Variants in SLC48A1 observed in about 807,000 individuals in gnomAD.
The protein encoded by SLC48A1 is heme transporter HRG1.
A neutral mutation model predicts 14.8 loss-of-function variants in SLC48A1; 6 were observed. The ratio of observed to expected loss-of-function variants is 0.41; its 90% CI spans 0.22 to 0.80. The LOEUF is 0.80. Among genes scored for constraint, SLC48A1 ranks in the 30% least tolerant of loss-of-function variants. SLC48A1 has a pLI of 0.34. For synonymous variants in SLC48A1, 89 were observed against 90.0 expected (o/e 0.99, Z 0.06); for missense variants, 165 against 204.8 (o/e 0.81, Z 1.19).
At chr12:47,776,727 C>T (rs755028471) in intron 1 of SLC48A1, among the ~76,000 whole-genome samples, 5 of 152,176 alleles carry the variant, frequency 3.3e-5, no homozygotes, top group Non-Finnish European at 4.4e-5. Context: ...TCTTCCTCTC[C>T]CTCCTGCCCT....
At position 47,780,285 on chromosome 12, in the gene SLC48A1, A is replaced by AG; in HGVS notation, c.*9dup. 1 of 1,614,182 alleles carries AG rather than the reference A, an allele frequency of 6.2e-7. No individual in the cohort carries two copies. Among genetic ancestry groups the AG allele is most frequent in the Non-Finnish European group, 8.5e-7 (1 of 1,179,994 alleles). Reference sequence around the variant, plus strand: ...CAGCATCCTCAGCGATTTCTGACCCAGGGGGTGAGGTCTCTGCACCCTGGG... The same window carrying AG: ...CAGCATCCTCAGCGATTTCTGACCCAGGGGGGTGAGGTCTCTGCACCCTGGG... On this transcript the variant is annotated 3_prime_UTR_variant, in exon 3 of 3. Transcript: ENST00000442218.
chr12:47,774,577 A>G (rs182472160), intron 1 of SLC48A1, among the ~76,000 whole-genome samples: 1 of 152,342 alleles, frequency 6.6e-6, no homozygotes, highest in Admixed American at 6.5e-5. Context: ...CCTAAATGGA[A>G]TAACTAAAAA....
chr12:47,779,307 T>A, intron 2 of SLC48A1, 112 bp downstream of exon 2: 2 of 1,362,076 alleles, frequency 1.5e-6, no homozygotes, highest in Non-Finnish European at 1.9e-6. Context: ...GTGAATTACT[T>A]AACCTCCCCG....
In SLC48A1 at chr12:47,779,136, C is replaced by T. The variant is rs370231106; in HGVS notation, c.245C>T (p.Ser82Leu). Residue 82 changes from serine to leucine, a missense_variant, in exon 2 of 3, where the codon TCG becomes TTG. Ser to Leu is a moderately radical substitution (Grantham distance 145). Coordinates refer to ENST00000442218, the MANE Select transcript of SLC48A1 (RefSeq NM_017842.3). The part of the protein sequence containing the change: ...RGFFFVGVLF[S>L]AVSIAAFCTF... ...TTCTTCTTCGTGGGCGTCCTCTTCTCGGCCGTCTCCATCGCTGCCTTCTGC... is the reference window on the plus strand; with the variant it reads ...TTCTTCTTCGTGGGCGTCCTCTTCTTGGCCGTCTCCATCGCTGCCTTCTGC... The T allele has an allele frequency of 9.2e-5, 143 of 1,551,784 alleles. No homozygotes were observed. Among genetic ancestry groups the T allele is most frequent in the Non-Finnish European group, 1.2e-4 (135 of 1,147,052 alleles).
chr12:47,773,227 C>T, upstream of SLC48A1: 2 of 1,121,646 alleles, frequency 1.8e-6, no homozygotes, highest in Non-Finnish European at 1.1e-6. Flanking sequence ...GCTCCCGCGG[C>T]TCCGGCTGGC....
At chr12:47,754,775 G>C (rs1941955380), upstream of SLC48A1, among the ~76,000 whole-genome samples, 1 of 152,150 alleles carries the variant, frequency 6.6e-6, no homozygotes, top group Non-Finnish European at 1.5e-5. Context: ...TCAGTTTCAG[G>C]GTTCTCAGTT....
At chr12:47,757,391 G>A (rs1942137329), upstream of SLC48A1, among the ~76,000 whole-genome samples, 1 of 152,122 alleles carries the variant, frequency 6.6e-6, no homozygotes, top group Non-Finnish European at 1.5e-5. Context: ...GTACCAAGCA[G>A]TGTCCACATG....
At chr12:47,776,091 T>C (rs1942746105) in intron 1 of SLC48A1, among the ~76,000 whole-genome samples, 1 of 152,178 alleles carries the variant, frequency 6.6e-6, no homozygotes, top group Non-Finnish European at 1.5e-5. Flanking sequence ...ACTGTCTTCC[T>C]CCTAGGAAGG....
upstream of SLC48A1, among the ~76,000 whole-genome samples, chr12:47,771,905 C>T (rs1247762944): frequency 6.6e-6 from 1 of 151,272 alleles, no homozygotes; most frequent in Non-Finnish European, 1.5e-5. Flanking sequence ...TGCACTCTAG[C>T]CTGGGTGACA....
chr12:47,767,699 G>T (rs896604881), upstream of SLC48A1, among the ~76,000 whole-genome samples: 1 of 152,226 alleles, frequency 6.6e-6, no homozygotes, highest in Non-Finnish European at 1.5e-5. Context: ...CTCTGAGGAG[G>T]TAACATTTGA....
upstream of SLC48A1, among the ~76,000 whole-genome samples, chr12:47,767,022 G>A (rs1942529371): frequency 6.6e-6 from 1 of 152,174 alleles, no homozygotes; most frequent in African/African-American, 2.4e-5. Context: ...GTCTAGGACA[G>A]CCCTTTCTGC....
chr12:47,764,375 C>T (rs1942463540), intron 2 of SLC48A1, among the ~76,000 whole-genome samples: 1 of 152,208 alleles, frequency 6.6e-6, no homozygotes. Flanking sequence ...CTTCCCAAAA[C>T]CTTTGTCTTA....
chr12:47,782,533 CCAGGGTG>C lies in SLC48A1; in HGVS notation c.*2253_*2259del, dbSNP rs1942916728. The C allele has an allele frequency of 6.6e-6, 1 of 152,250 alleles. No homozygotes were observed. Among genetic ancestry groups the C allele is most frequent in the Admixed American group, 6.5e-5 (1 of 15,294 alleles). The allele number at this position is 152,250 out of a possible 1,614,324, so 9.4% of individuals were successfully genotyped here. A position where few individuals can be genotyped will look rare whatever the true frequency, so the allele number is the denominator to read the frequency against. ...CCCAAAGTGGGGCAGCCAGGGACAG[CCAGGGTG>C]TGTTCAGAATGGGTTCTTCCTGCAG... On this transcript the variant is annotated 3_prime_UTR_variant, in exon 3 of 3. Transcript: ENST00000442218.
At chr12:47,753,943 G>A (rs1941905880), upstream of SLC48A1, 1 of 152,236 alleles carries the variant, frequency 6.6e-6, no homozygotes, top group Admixed American at 6.5e-5. Context: ...TAGTCCATGA[G>A]CACTGAGGAA....
chr12:47,762,621 C>T (rs1219852647), intron 2 of SLC48A1, among the ~76,000 whole-genome samples: 5 of 152,230 alleles, frequency 3.3e-5, no homozygotes, highest in Admixed American at 6.5e-5. Flanking sequence ...ACTTTATATA[C>T]ATCTTTTTAT....
chr12:47,768,932 A>G (rs1479049781), upstream of SLC48A1: 2 of 152,220 alleles, frequency 1.3e-5, no homozygotes, highest in African/African-American at 4.8e-5. Flanking sequence ...AGCCACTGAC[A>G]CTTCTCACTC....
At chr12:47,773,131 G>C, upstream of SLC48A1, 1 of 930,688 alleles carries the variant, frequency 1.1e-6, no homozygotes, top group Non-Finnish European at 1.3e-6. Flanking sequence ...TTCCGGGCGC[G>C]GGCGGCCTCC....
At chr12:47,759,981 C>T (rs1438746889) in intron 1 of SLC48A1, among the ~76,000 whole-genome samples, 1 of 152,112 alleles carries the variant, frequency 6.6e-6, no homozygotes, top group Non-Finnish European at 1.5e-5. Context: ...AGAGGTAGCT[C>T]TAAGAAGCCT....
rs937515893 is a variant in SLC48A1 at position 47,773,440 on chromosome 12, G to A, written c.136G>A (p.Gly46Arg). ...GACCGCGGCCATGGGAGGGCTCGCA[G>A]GTACCCCGGGACGCTGGGCGGCGCG... ...PGTAAMGGLA[G>R]VLALWVLVTH... The change falls in exon 1 of 3, where the codon GGG becomes AGG. Residue 46 changes from glycine to arginine, a missense_variant and splice_region_variant. Gly to Arg is a moderately radical substitution (Grantham distance 125, BLOSUM62 -2). Transcript: ENST00000442218. 3.6e-6 allele frequency: 5 copies of A among 1,402,118 alleles called. No homozygotes were observed. Among genetic ancestry groups the A allele is most frequent in the Non-Finnish European group, 4.7e-6 (5 of 1,070,794 alleles). The allele number at this position is 1,402,118 out of a possible 1,614,324, so 86.9% of individuals were successfully genotyped here.
Sources: allele counts gnomAD v4.1 joint callset (sites outside exome capture counted in the v4.1 genomes callset), GRCh38; gene constraint gnomAD v4.1.1; transcripts MANE v1.5; gene names NCBI Gene and HGNC (gene_info 2026-07-23, HGNC 2026-07-21).